The following PDE4D variants were observed in gnomAD, a reference collection of about 807,000 sequenced individuals.
The protein encoded by PDE4D is phosphodiesterase 4D.
A neutral mutation model predicts 87.4 loss-of-function variants in PDE4D; 24 were observed. That is an observed-to-expected ratio of 0.27 (90% CI 0.20 to 0.39). The LOEUF (loss-of-function observed/expected upper bound fraction) is 0.39, where lower values mean the gene tolerates loss of function less well. Ranked by LOEUF, PDE4D falls within the 10% of genes least tolerant of loss-of-function variation. PDE4D has a pLI of 1.00. For synonymous variants in PDE4D, 384 were observed against 383.2 expected, an observed-to-expected ratio of 1.00 and a Z score of -0.02; for missense variants, 714 against 1,041.0, an observed-to-expected ratio of 0.69 and a Z score of 4.32.
intron 1 of PDE4D, among the ~76,000 whole-genome samples, chr5:60,348,170 G>A (rs1187566311): frequency 6.6e-6 from 1 of 152,004 alleles, no homozygotes; most frequent in Non-Finnish European, 1.5e-5. Flanking sequence ...GTGAATATAG[G>A]GTGAATAAAA....
intron 1 of PDE4D, among the ~76,000 whole-genome samples, chr5:60,257,010 T>A (rs1749122831): frequency 1.3e-5 from 2 of 151,866 alleles, no homozygotes; most frequent in Non-Finnish European, 2.9e-5. Flanking sequence ...TCATAATAAA[T>A]ACATAGAATA....
intron 5 of PDE4D, among the ~76,000 whole-genome samples, chr5:59,119,086 T>C (rs930989983): frequency 1.3e-5 from 2 of 152,180 alleles, no homozygotes; most frequent in Non-Finnish European, 2.9e-5. Flanking sequence ...GAGAACCAAA[T>C]GAGGTTGTAA....
intron 1 of PDE4D, among the ~76,000 whole-genome samples, chr5:60,267,329 G>A (rs916620076): frequency 1.2e-4 from 19 of 152,014 alleles, no homozygotes; most frequent in African/African-American, 4.1e-4. Flanking sequence ...ATATCTTTCT[G>A]TATTTTCTAA....
At chr5:59,129,613 T>C (rs1254943146) in intron 5 of PDE4D, among the ~76,000 whole-genome samples, 2 of 152,220 alleles carry the variant, frequency 1.3e-5, no homozygotes, top group Non-Finnish European at 2.9e-5. Context: ...ATAAATATGA[T>C]CTTTATAGTT....
At chr5:59,157,104 A>G in intron 5 of PDE4D, 1 of 415,410 alleles carries the variant, frequency 2.4e-6, no homozygotes, top group Non-Finnish European at 4.3e-6. Context: ...TTGTGAGAAA[A>G]TGTATTGAAA....
In PDE4D at chr5:59,057,257, A is replaced by G. The variant is rs1038735228; in HGVS notation, c.809-18286T>C. On this transcript the variant is annotated intron_variant, in intron 5 of 14. Transcript: ENST00000340635. ...TGGGGCAGTGAGGGACCTTACAAAC[A>G]CTGAAATTTAAGAGAACAGTTTTTG... Among the ~76,000 whole-genome samples, 7 of 152,272 alleles carry G rather than the reference A, an allele frequency of 4.6e-5. No individual in the cohort carries two copies. In the East Asian group the frequency reaches 5.8e-4, roughly 13 times the overall value.
At chr5:59,764,607 T>G (rs188656944) in intron 1 of PDE4D, among the ~76,000 whole-genome samples, 1 of 142,656 alleles carries the variant, frequency 7.0e-6, no homozygotes, top group East Asian at 1.9e-4. Context: ...ATATAGCATA[T>G]AGAAATGAAA....
intron 2 of PDE4D, among the ~76,000 whole-genome samples, chr5:60,060,325 C>A (rs1367340052): frequency 6.6e-6 from 1 of 152,066 alleles, no homozygotes; most frequent in Non-Finnish European, 1.5e-5. Context: ...AGAATTACAG[C>A]AGAGCTTTGT....
chr5:60,506,344 T>C (rs1750321550), intron 1 of PDE4D, among the ~76,000 whole-genome samples: 1 of 152,220 alleles, frequency 6.6e-6, no homozygotes, highest in Non-Finnish European at 1.5e-5. Context: ...GTTCCTGATA[T>C]AATGGGAAAA....
At chr5:59,905,735 G>A (rs527373605) in intron 3 of PDE4D, among the ~76,000 whole-genome samples, 5 of 151,948 alleles carry the variant, frequency 3.3e-5, no homozygotes, top group Non-Finnish European at 5.9e-5. Context: ...AAGTATACAC[G>A]CATATATACA....
chr5:59,547,705 AT>A (rs1289198722), intron 1 of PDE4D, among the ~76,000 whole-genome samples: 9 of 152,092 alleles, frequency 5.9e-5, no homozygotes, highest in Admixed American at 5.9e-4. Context: ...ACATATGACC[AT>A]TTTTTCTGGT....
At chr5:59,818,715 C>T (rs1180061198) in intron 1 of PDE4D, among the ~76,000 whole-genome samples, 1 of 152,106 alleles carries the variant, frequency 6.6e-6, no homozygotes, top group Non-Finnish European at 1.5e-5. Context: ...TCTTTCTGCC[C>T]ATTGAACTAG....
chr5:59,365,150 A>C (rs1036264879), intron 1 of PDE4D, among the ~76,000 whole-genome samples: 1 of 152,194 alleles, frequency 6.6e-6, no homozygotes, highest in African/African-American at 2.4e-5. Flanking sequence ...CTTATTTAAG[A>C]AAAAATGTAT....
intron 1 of PDE4D, among the ~76,000 whole-genome samples, chr5:60,502,016 A>G (rs1467806122): frequency 6.6e-6 from 1 of 151,912 alleles, no homozygotes; most frequent in South Asian, 2.1e-4. Context: ...ATTAGATCCC[A>G]TTTGTCAATT....
chr5:59,811,827 T>C (rs1768383504), intron 1 of PDE4D, among the ~76,000 whole-genome samples: 1 of 152,250 alleles, frequency 6.6e-6, no homozygotes, highest in Admixed American at 6.5e-5. Context: ...GTGGTGATAA[T>C]ACAACCTCCT....
intron 1 of PDE4D, among the ~76,000 whole-genome samples, chr5:59,227,795 T>A (rs576873390): frequency 3.3e-5 from 5 of 152,304 alleles, no homozygotes; most frequent in African/African-American, 1.2e-4. Context: ...ATACTACTGG[T>A]TAGAATGTAA....
chr5:59,014,554 GA>G (rs1753573120), intron 6 of PDE4D, among the ~76,000 whole-genome samples: 1 of 152,114 alleles, frequency 6.6e-6, no homozygotes, highest in Non-Finnish European at 1.5e-5. Context: ...TTACTTCAAA[GA>G]GAATAAAATA....
chr5:59,745,753 A>G (rs943288416), intron 1 of PDE4D, among the ~76,000 whole-genome samples: 6 of 152,162 alleles, frequency 3.9e-5, no homozygotes, highest in African/African-American at 1.4e-4. Context: ...AGGGCAAAAA[A>G]AAAGAAAGAA....
intron 1 of PDE4D, among the ~76,000 whole-genome samples, chr5:60,238,627 T>C (rs1202460912): frequency 6.6e-6 from 1 of 152,050 alleles, no homozygotes; most frequent in Non-Finnish European, 1.5e-5. Flanking sequence ...AAGCAAATAT[T>C]TGTGTGTTTA....
Sources: gnomAD v4.1 joint callset for allele counts (sites outside exome capture counted in the v4.1 genomes callset) on GRCh38, gnomAD v4.1.1 for gene constraint, MANE v1.5 for transcripts, NCBI Gene and HGNC (gene_info 2026-07-23, HGNC 2026-07-21) for gene names.